The following ATG2B variants were observed in gnomAD, a reference collection of about 807,000 sequenced individuals.
ATG2B encodes the protein autophagy related 2B.
A neutral mutation model predicts 241.3 loss-of-function variants in ATG2B; 121 were observed. That is an observed-to-expected ratio of 0.50 (90% CI 0.43 to 0.58). The LOEUF is 0.58. ATG2B is among the 20% of genes least tolerant of loss of function. The pLI is 0.00. For synonymous variants in ATG2B, 858 were observed against 876.6 expected (o/e 0.98, Z 0.37); for missense variants, 2,306 against 2,491.6 (o/e 0.93, Z 1.59).
intron 18 of ATG2B, 145 bp downstream of exon 18, chr14:96,321,967 G>A (rs750073625): frequency 1.3e-5 from 8 of 598,156 alleles, no homozygotes; most frequent in African/African-American, 5.9e-5. Flanking sequence ...ACATCATAAC[G>A]GCAATAGTCA....
rs1887094211 is a variant in ATG2B, at chr14:96,309,577, T to A, written c.4179A>T (p.Arg1393=). 1 of 1,612,902 alleles carries A rather than the reference T, an allele frequency of 6.2e-7. No homozygotes were observed. The highest frequency in any genetic ancestry group is 1.3e-5 in the African/African-American group (1 of 74,866). Reference sequence around the variant, plus strand: ...GAAGTACTGGACCACGTGAGGATGATCGACCACTGGAATCTACCTATAGCC... The same window carrying A: ...GAAGTACTGGACCACGTGAGGATGAACGACCACTGGAATCTACCTATAGCC... The part of the protein sequence containing the change: ...QRRSKVDSSG[R]SSSRGPVLPE... Residue 1393 remains arginine (R), a synonymous_variant, in exon 29 of 42, where the codon CGA becomes CGT. Coordinates refer to ENST00000359933, the MANE Select transcript of ATG2B (RefSeq NM_018036.7).
chr14:96,333,867 G>A lies in ATG2B; in HGVS notation c.1028C>T (p.Ser343Phe), dbSNP rs1887804729. 1 of 1,612,752 alleles carries A rather than the reference G, an allele frequency of 6.2e-7. No individual in the cohort carries two copies. Among genetic ancestry groups the A allele is most frequent in the Non-Finnish European group, 8.5e-7 (1 of 1,179,194 alleles). ...MLAAIAGPEN[S>F]SKIGLANKDR... ...TTTATTAGCTAACCCTATTTTGCTA[G>A]AATTTTCTATAAGCATACAAAAGGA... Residue 343 changes from serine to phenylalanine, a missense_variant, in exon 8 of 42, where the codon TCT becomes TTT. This residue lies in a region of ATG2B where 1,927 missense variants were observed against 2,011.2 expected (regional missense o/e 0.96). Coordinates refer to ENST00000359933, the MANE Select transcript of ATG2B (RefSeq NM_018036.7).
intron 1 of ATG2B, among the ~76,000 whole-genome samples, chr14:96,355,044 T>G (rs974888480): frequency 1.3e-5 from 2 of 152,236 alleles, no homozygotes; most frequent in Admixed American, 1.3e-4. Flanking sequence ...TTTTAGACCT[T>G]TGTCAGACGG....
In ATG2B at chr14:96,290,422, G is replaced by T. The variant is rs760407167; in HGVS notation, c.5856+14C>A. On this transcript the variant is annotated intron_variant, in intron 40 of 41. Coordinates refer to ENST00000359933, the MANE Select transcript of ATG2B (RefSeq NM_018036.7). This position sits in a 1 kb window ranked among gnomAD's most constrained non-coding sequence, Gnocchi z 4.4. The stretch of plus-strand genomic sequence containing the variant: ...GGCTCTTTTTGGATAGACTAAGGCA[G>T]TCTAAAAAGATACCTGTATGGTTTG... 4.3e-6 allele frequency: 7 copies of T among 1,613,600 alleles called. No individual in the cohort carries two copies. The East Asian group carries it at 1.1e-4, about 26-fold the overall frequency.
chr14:96,309,269 G>C (rs926285812), intron 29 of ATG2B, among the ~76,000 whole-genome samples, 184 bp downstream of exon 29: 1 of 152,054 alleles, frequency 6.6e-6, no homozygotes, highest in African/African-American at 2.4e-5. Context: ...CTGCATTCCC[G>C]ACACCAGCCT....
At chr14:96,322,811 T>C (rs1381177203) in intron 16 of ATG2B, 76 bp from the exon 17 acceptor site, 1 of 1,162,710 alleles carries the variant, frequency 8.6e-7, no homozygotes, top group Non-Finnish European at 1.2e-6. Context: ...TGCAAATTAA[T>C]ACACACACCA....
intron 41 of ATG2B, among the ~76,000 whole-genome samples, chr14:96,288,420 G>C (rs561216517): frequency 2.3e-4 from 35 of 152,250 alleles, no homozygotes; most frequent in African/African-American, 7.2e-4. Context: ...CCCAGTGTCT[G>C]TTTCACAGAT....
chr14:96,345,454 T>C lies in ATG2B; in HGVS notation c.326-69A>G, dbSNP rs1413551582. On this transcript the variant is annotated intron_variant, in intron 2 of 41. Coordinates refer to ENST00000359933, the MANE Select transcript of ATG2B (RefSeq NM_018036.7). ...ACAACAATGCCAGTTCTTAAAATAA[T>C]ACATTTCAAATAGACAAATTCTTAA... is the stretch of plus-strand genomic sequence containing the variant. 1.2e-5 allele frequency: 14 copies of C among 1,169,750 alleles called. No individual in the cohort carries two copies. In the East Asian group the frequency reaches 2.0e-4, roughly 17 times the overall value. 72.5% of individuals were successfully genotyped at this position (1,169,750 alleles called of 1,614,324 possible). A position where few individuals can be genotyped will look rare whatever the true frequency, so the allele number is the denominator to read the frequency against.
intron 11 of ATG2B, among the ~76,000 whole-genome samples, chr14:96,330,720 C>G (rs1449342394): frequency 6.6e-6 from 1 of 152,156 alleles, no homozygotes; most frequent in Non-Finnish European, 1.5e-5. Flanking sequence ...GCCAAGATTG[C>G]GCCACTGCAC....
At position 96,304,655 on chromosome 14, in the gene ATG2B, G is replaced by T; in HGVS notation, c.4734-52C>A. The T allele has an allele frequency of 7.6e-6, 10 of 1,319,224 alleles. No individual in the cohort carries two copies. The South Asian group carries it at 1.3e-4, about 17-fold the overall frequency. 81.7% of individuals were successfully genotyped at this position (1,319,224 alleles called of 1,614,324 possible). On this transcript the variant is annotated intron_variant, in intron 31 of 41. Coordinates refer to ENST00000359933, the MANE Select transcript of ATG2B (RefSeq NM_018036.7). ...CCCTTTTGTTAAAGGAATATTCAAA[G>T]AAAGTCAATGAATGACATTAAGGAA...
intron 1 of ATG2B, among the ~76,000 whole-genome samples, chr14:96,359,288 G>C (rs982443147): frequency 6.6e-6 from 1 of 151,964 alleles, no homozygotes; most frequent in East Asian, 1.9e-4. Context: ...AGAGGTAGGA[G>C]GATCGCTTGA....
In ATG2B at chr14:96,306,829, T is replaced by G. The variant is rs751239741; in HGVS notation, c.4391A>C (p.Glu1464Ala). 1 of 1,614,126 alleles carries G rather than the reference T, an allele frequency of 6.2e-7. No homozygotes were observed. Among genetic ancestry groups the G allele is most frequent in the South Asian group, 1.1e-5 (1 of 91,072 alleles). Residue 1464 changes from glutamate (E) to alanine (A), a missense_variant, in exon 30 of 42, where the codon GAG (glutamate) becomes GCG (alanine). By Grantham distance (107) the Glu-to-Ala change is moderately radical. Transcript: ENST00000359933. ...GAATGAGGCATAGGTGGGGCCGGAC[T>G]CCTGGGATACATTCCCACTCTCGTC... ...FPDESGNVSQ[E>A]SGPTYASFSH...
rs1392561799 is a variant in ATG2B, at chr14:96,290,410, T to C, written c.5856+26A>G. 2.5e-6 allele frequency: 4 copies of C among 1,596,350 alleles called. No homozygotes were observed. Among genetic ancestry groups the C allele is most frequent in the South Asian group, 1.1e-5 (1 of 88,900 alleles). On this transcript the variant is annotated intron_variant, in intron 40 of 41. Coordinates refer to ENST00000359933, the MANE Select transcript of ATG2B (RefSeq NM_018036.7). The surrounding 1 kb of genome is among the most constrained non-coding windows in gnomAD (Gnocchi z 4.4). ...CCATTTCACAATGGCTCTTTTTGGA[T>C]AGACTAAGGCAGTCTAAAAAGATAC...
In ATG2B at chr14:96,302,988, C is replaced by T. The variant is rs1849778288; in HGVS notation, c.5037+73G>A. The T allele has an allele frequency of 1.0e-5, 12 of 1,158,154 alleles. No individual in the cohort carries two copies. In the South Asian group the frequency reaches 2.9e-4, roughly 28 times the overall value. The allele number at this position is 1,158,154 out of a possible 1,614,324, so 71.7% of individuals were successfully genotyped here. A position where few individuals can be genotyped will look rare whatever the true frequency, so the allele number is the denominator to read the frequency against. On this transcript the variant is annotated intron_variant, in intron 33 of 41. Coordinates refer to ENST00000359933, the MANE Select transcript of ATG2B (RefSeq NM_018036.7). ...TATCTAGTAATTTTCCCTACTTTAA[C>T]TCTCCTGAAGTTAGATATAATAAAA...
chr14:96,291,508 G>A lies in ATG2B; in HGVS notation c.5579+92C>T, dbSNP rs8013487. 4.7e-4 allele frequency: 389 copies of A among 834,516 alleles called. 3 individuals carry two copies. The African/African-American group carries it at 5.7e-3, about 12-fold the overall frequency. The allele number at this position is 834,516 out of a possible 1,614,324, so 51.7% of individuals were successfully genotyped here. On this transcript the variant is annotated intron_variant, in intron 38 of 41. Coordinates refer to ENST00000359933, the MANE Select transcript of ATG2B (RefSeq NM_018036.7). Reference sequence around the variant, plus strand: ...TCTCTAAATAAAATACTGTAAAATTGTGTATGCATGCTAAGAAAACTCAGT... The same window carrying A: ...TCTCTAAATAAAATACTGTAAAATTATGTATGCATGCTAAGAAAACTCAGT...
chr14:96,356,383 T>C (rs947209072), intron 1 of ATG2B, among the ~76,000 whole-genome samples: 4 of 152,138 alleles, frequency 2.6e-5, no homozygotes, highest in Non-Finnish European at 5.9e-5. Context: ...AGGTCTTCAA[T>C]TAATCACTGC....
At chr14:96,291,797 A>T in intron 37 of ATG2B, 115 bp from the exon 38 acceptor site, 1 of 728,458 alleles carries the variant, frequency 1.4e-6, no homozygotes. Flanking sequence ...TAAAACACTT[A>T]AAATATTTAC....
intron 1 of ATG2B, among the ~76,000 whole-genome samples, chr14:96,353,774 T>C (rs1888399245): frequency 1.3e-5 from 2 of 151,932 alleles, no homozygotes; most frequent in Non-Finnish European, 2.9e-5. Flanking sequence ...ATGTTTTTAT[T>C]GTAGAGAAAT....
intron 5 of ATG2B, among the ~76,000 whole-genome samples, chr14:96,342,270 T>C (rs1482120133): frequency 6.6e-6 from 1 of 151,464 alleles, no homozygotes. Context: ...TGCTCCAAAA[T>C]CCAAAACTTT....
Sources: allele counts gnomAD v4.1 joint callset (sites outside exome capture counted in the v4.1 genomes callset), GRCh38; gene constraint gnomAD v4.1.1; regional missense constraint gnomAD v4.1.1; non-coding constraint Gnocchi (gnomAD v3.1); transcripts MANE v1.5; gene names NCBI Gene and HGNC (gene_info 2026-07-23, HGNC 2026-07-21).